Variants in ORC3 observed in about 807,000 individuals in gnomAD.
The protein encoded by ORC3 is origin recognition complex subunit 3, also known as homolog of latheo, Drosophila.
In ORC3, 78 loss-of-function variants were observed where a neutral mutation model predicts 100.7. The ratio of observed to expected loss-of-function variants is 0.77; its 90% confidence interval spans 0.65 to 0.94. The LOEUF (loss-of-function observed/expected upper bound fraction) is 0.94. Among genes scored for constraint, ORC3 ranks in the 40% least tolerant of loss-of-function variants. The probability of loss-of-function intolerance (pLI) is 0.00; values close to 1 mark genes in which losing one functional copy is unlikely to be tolerated. For synonymous variants in ORC3, 295 were observed against 289.3 expected, an observed-to-expected ratio of 1.02 and a Z score of -0.20; for missense variants, 789 against 823.9, an observed-to-expected ratio of 0.96 and a Z score of 0.52.
Position 87,663,012 on chromosome 6 carries a change from T to G in ORC3, c.1701T>G (p.Leu567=). The change falls in exon 17 of 20, where the codon CTT becomes CTG. Residue 567 remains leucine (L), a synonymous_variant. Transcript: ENST00000392844. ...NFIDCLVREY[L]LPPETQPLHE... is the part of the protein sequence containing the mutation. ...TGACTGGCTGTTTCAGAGAATACCT[T>G]CTGCCTCCTGAGACACAGCCTCTCC... is the stretch of plus-strand genomic sequence containing the variant. 1 of 1,604,544 alleles carries G rather than the reference T, an allele frequency of 6.2e-7. No individual in the cohort carries two copies. Among genetic ancestry groups the G allele is most frequent in the Non-Finnish European group, 8.5e-7 (1 of 1,173,868 alleles).
chr6:87,664,381 T>G (rs930929772), intron 17 of ORC3, among the ~76,000 whole-genome samples: 4 of 152,164 alleles, frequency 2.6e-5, no homozygotes, highest in African/African-American at 9.7e-5. Flanking sequence ...TTGTTAGAAT[T>G]CAGCTAATTA....
At chr6:87,614,266 C>T (rs755803601) in intron 8 of ORC3, among the ~76,000 whole-genome samples, 2 of 152,206 alleles carry the variant, frequency 1.3e-5, no homozygotes, top group Non-Finnish European at 2.9e-5. Flanking sequence ...TTTTCAGCCA[C>T]AGCTGGAGTG....
chr6:87,600,870 GT>G (rs1186574640), intron 2 of ORC3, among the ~76,000 whole-genome samples: 1 of 152,142 alleles, frequency 6.6e-6, no homozygotes, highest in Non-Finnish European at 1.5e-5. Flanking sequence ...TGTGACTTTA[GT>G]TTTTGTTCAT....
At chr6:87,606,114 T>C (rs868789329) in intron 5 of ORC3, 93 bp downstream of exon 5, 11 of 759,210 alleles carry the variant, frequency 1.4e-5, no homozygotes, top group Middle Eastern at 3.6e-4. Context: ...ATCCCTTTTT[T>C]TGGTGGAAAG....
At chr6:87,594,642 G>C (rs944439390) in intron 2 of ORC3, 1 of 929,222 alleles carries the variant, frequency 1.1e-6, no homozygotes, top group Non-Finnish European at 1.4e-6. Flanking sequence ...TCCTTCAAAG[G>C]ATATGCTGCT....
intron 13 of ORC3, among the ~76,000 whole-genome samples, chr6:87,649,468 C>T (rs985168103): frequency 6.6e-6 from 1 of 152,222 alleles, no homozygotes; most frequent in Non-Finnish European, 1.5e-5. Flanking sequence ...AAATTTACGG[C>T]CAGGCGCCAT....
chr6:87,634,317 C>G (rs75590704), intron 11 of ORC3, among the ~76,000 whole-genome samples: 16 of 152,030 alleles, frequency 1.1e-4, no homozygotes, highest in Non-Finnish European at 2.4e-4. Context: ...ATCAGAATCA[C>G]TTGTGTTTCT....
intron 2 of ORC3, chr6:87,594,657 T>C (rs1434766746): frequency 3.1e-5 from 24 of 779,134 alleles, no homozygotes; most frequent in Non-Finnish European, 3.8e-5. Context: ...GCTGCTATTC[T>C]TTAAAAGAGA....
downstream of ORC3, among the ~76,000 whole-genome samples, chr6:87,670,805 G>GAAGT (rs920603623): frequency 2.0e-5 from 3 of 152,212 alleles, no homozygotes; most frequent in Admixed American, 2.0e-4. Flanking sequence ...TTTAGCACAG[G>GAAGT]AAGTAAAACA....
chr6:87,594,633 C>T (rs1777294392), intron 2 of ORC3: 1 of 1,084,062 alleles, frequency 9.2e-7, no homozygotes, highest in Non-Finnish European at 1.2e-6. Context: ...AAGCAAATTT[C>T]CTTCAAAGGA....
At chr6:87,671,644 CAG>C (rs1770835245), downstream of ORC3, among the ~76,000 whole-genome samples, 1 of 152,084 alleles carries the variant, frequency 6.6e-6, no homozygotes, top group South Asian at 2.1e-4. Context: ...AACAGCAAGA[CAG>C]AGAAGGAGCA....
At chr6:87,672,961 C>CTTA in the ORC3 span, among the ~76,000 whole-genome samples, 4 of 152,122 alleles carry the variant, frequency 2.6e-5, no homozygotes, top group Admixed American at 1.3e-4. Context: ...TCTGTAGATA[C>CTTA]TTATTACAAG....
intron 16 of ORC3, among the ~76,000 whole-genome samples, chr6:87,659,943 G>T (rs1770058210): frequency 7.6e-6 from 1 of 131,444 alleles, no homozygotes; most frequent in African/African-American, 3.0e-5. Context: ...AAATTACATA[G>T]AACCCACAGA....
At chr6:87,653,347 A>T in intron 14 of ORC3, 98 bp downstream of exon 14, 5 of 1,112,848 alleles carry the variant, frequency 4.5e-6, no homozygotes, top group Non-Finnish European at 6.4e-6. Flanking sequence ...AGAGATAAAG[A>T]GATAAAGTAG....
At chr6:87,601,040 G>C (rs1293138842) in intron 2 of ORC3, among the ~76,000 whole-genome samples, 2 of 152,174 alleles carry the variant, frequency 1.3e-5, no homozygotes, top group African/African-American at 2.4e-5. Context: ...CAGAATAAAT[G>C]AAAGACTGGA....
intron 2 of ORC3, among the ~76,000 whole-genome samples, chr6:87,594,890 A>G (rs983359304): frequency 2.6e-5 from 4 of 152,218 alleles, no homozygotes; most frequent in African/African-American, 9.6e-5. Flanking sequence ...ATAAATTTGT[A>G]TATATTTTCT....
At chr6:87,658,456 C>CA (rs34769498) in intron 16 of ORC3, among the ~76,000 whole-genome samples, 57,739 of 133,038 alleles carry the variant, frequency 0.43, 11,623 homozygotes, top group Admixed American at 0.54. Context: ...GACTCCGTCT[C>CA]AAAAAAAAAA....
At chr6:87,667,607 C>T (rs1770733208), downstream of ORC3, among the ~76,000 whole-genome samples, 1 of 151,870 alleles carries the variant, frequency 6.6e-6, no homozygotes, top group Admixed American at 6.6e-5. Context: ...TCTGCCTCTC[C>T]ATTTCCTGTA....
At chr6:87,591,943 C>A (rs1017768721) in intron 1 of ORC3, among the ~76,000 whole-genome samples, 1 of 152,128 alleles carries the variant, frequency 6.6e-6, no homozygotes, top group Non-Finnish European at 1.5e-5. Flanking sequence ...GTTGGCCAGG[C>A]GGGTCTCGAA....
Sources: gnomAD v4.1 joint callset for allele counts (sites outside exome capture counted in the v4.1 genomes callset) on GRCh38, gnomAD v4.1.1 for gene constraint, MANE v1.5 for transcripts, NCBI Gene and HGNC (gene_info 2026-07-23, HGNC 2026-07-21) for gene names.